STRN3: variants seen among roughly 807,000 people sequenced by gnomAD.
STRN3 encodes striatin-3.
STRN3 carries 29 observed loss-of-function variants against 95.6 expected under a neutral mutation model. The observed-to-expected ratio is 0.30, with a 90% CI of 0.23 to 0.41. The LOEUF (loss-of-function observed/expected upper bound fraction) is 0.41, where lower values mean the gene tolerates loss of function less well. Ranked by LOEUF, STRN3 falls within the 10% of genes least tolerant of loss-of-function variation. The probability of loss-of-function intolerance (pLI) is 1.00; values close to 1 mark genes in which losing one functional copy is unlikely to be tolerated. For synonymous variants in STRN3, 331 were observed against 357.6 expected (o/e 0.93, Z 0.84); for missense variants, 890 against 972.1 (o/e 0.92, Z 1.12).
intron 1 of STRN3, among the ~76,000 whole-genome samples, chr14:30,958,451 C>T (rs75082742): frequency 0.095 from 14,492 of 152,254 alleles, 747 homozygotes; most frequent in South Asian, 0.16. Context: ...AAGAGCAGCA[C>T]TTACTCTCTA....
intron 1 of STRN3, among the ~76,000 whole-genome samples, chr14:30,981,581 C>CACACACACAA (rs1881400752): frequency 1.3e-5 from 2 of 148,274 alleles, no homozygotes; most frequent in Admixed American, 1.3e-4. Context: ...AGAATTCACA[C>CACACACACAA]ACACACACAC....
intron 1 of STRN3, among the ~76,000 whole-genome samples, chr14:30,987,380 G>A (rs1594544717): frequency 1.3e-5 from 2 of 152,006 alleles, no homozygotes; most frequent in East Asian, 1.9e-4. Context: ...GGTGGCAGGC[G>A]CCTGTAGTCC....
chr14:30,964,332 C>A (rs1880368446), intron 1 of STRN3: 1 of 152,250 alleles, frequency 6.6e-6, no homozygotes, highest in East Asian at 1.9e-4. Flanking sequence ...TTGAGAGATT[C>A]TTCTAGCAAT....
intron 1 of STRN3, among the ~76,000 whole-genome samples, chr14:31,011,758 C>T (rs1410508192): frequency 6.6e-6 from 1 of 152,094 alleles, no homozygotes; most frequent in Non-Finnish European, 1.5e-5. Flanking sequence ...ATCTCAATCC[C>T]CAACCCTTTT....
chr14:30,932,439 C>G (rs1361460425), intron 7 of STRN3: 1 of 147,182 alleles, frequency 6.8e-6, no homozygotes, highest in African/African-American at 2.5e-5. Context: ...TTTGGAAATA[C>G]TGCATAAATC....
At chr14:30,942,438 G>C (rs1172443746) in intron 5 of STRN3, among the ~76,000 whole-genome samples, 1 of 152,016 alleles carries the variant, frequency 6.6e-6, no homozygotes, top group Non-Finnish European at 1.5e-5. Context: ...CAGATGAAAG[G>C]GAAAACAAAA....
intron 1 of STRN3, among the ~76,000 whole-genome samples, chr14:31,001,316 G>A (rs1305477738): frequency 6.6e-6 from 1 of 151,856 alleles, no homozygotes; most frequent in Non-Finnish European, 1.5e-5. Context: ...TGGGAGGACT[G>A]CTTGAAGCCA....
At chr14:30,993,805 G>A (rs1173931642) in intron 1 of STRN3, among the ~76,000 whole-genome samples, 1 of 151,442 alleles carries the variant, frequency 6.6e-6, no homozygotes, top group Non-Finnish European at 1.5e-5. Context: ...TTAGCCTCCT[G>A]AGTAGCTTGG....
rs369078041 is a variant in STRN3 at position 30,895,431 on chromosome 14, G to A, written c.2374C>T (p.Leu792Phe). The change falls in exon 18 of 18, where the codon CTT (leucine) becomes TTT (phenylalanine). Residue 792 changes from leucine to phenylalanine, a missense_variant. Physicochemically the swap from Leu to Phe is conservative, Grantham distance 22 (BLOSUM62 0). This residue lies in a region of STRN3 where 357 missense variants were observed against 422.8 expected (regional missense o/e 0.84). Transcript: ENST00000357479. ...AYIASAGADA[L>F]AKVFV is the part of the protein sequence containing the mutation. ...TTGATTCATACAAATACTTTGGCAA[G>A]AGCATCAGCTCCTGCACTAGCTATA... 2.5e-6 allele frequency: 4 copies of A among 1,604,456 alleles called. No homozygotes were observed. The highest frequency in any genetic ancestry group is 3.4e-6 in the Non-Finnish European group (4 of 1,174,632).
intron 1 of STRN3, among the ~76,000 whole-genome samples, chr14:30,979,451 C>A (rs1428913639): frequency 6.6e-6 from 1 of 152,094 alleles, no homozygotes; most frequent in Non-Finnish European, 1.5e-5. Flanking sequence ...AAGTGTACTT[C>A]AGGCAAAAAT....
intron 1 of STRN3, among the ~76,000 whole-genome samples, chr14:30,993,254 CAA>C (rs35552314): frequency 2.3e-5 from 3 of 129,628 alleles, no homozygotes; most frequent in Non-Finnish European, 3.2e-5. Context: ...GACACTGTCT[CAA>C]AAAAAAAAAA....
intron 1 of STRN3, among the ~76,000 whole-genome samples, chr14:30,967,444 T>C (rs6571374): frequency 0.14 from 22,038 of 152,246 alleles, 1,819 homozygotes; most frequent in South Asian, 0.33. Context: ...TTAAAACCTA[T>C]AGTTAATAAT....
chr14:30,921,069 T>TACACACAC (rs367677158), intron 8 of STRN3, among the ~76,000 whole-genome samples: 1,575 of 119,912 alleles, frequency 0.013, 11 homozygotes, highest in South Asian at 0.029. Flanking sequence ...TACACATACA[T>TACACACAC]ATACACACAC....
intron 5 of STRN3, among the ~76,000 whole-genome samples, chr14:30,939,599 G>C (rs1341899030): frequency 6.6e-6 from 1 of 152,070 alleles, no homozygotes; most frequent in Admixed American, 6.6e-5. Context: ...TTGCTAAAAT[G>C]AAGTTCTGCT....
At chr14:30,956,952 A>C (rs1879937999) in intron 1 of STRN3, among the ~76,000 whole-genome samples, 1 of 152,004 alleles carries the variant, frequency 6.6e-6, no homozygotes, top group Non-Finnish European at 1.5e-5. Flanking sequence ...TGAGGTCAGG[A>C]GTTCAAGACC....
chr14:30,970,819 G>A (rs1001917709), intron 1 of STRN3, among the ~76,000 whole-genome samples: 3 of 152,192 alleles, frequency 2.0e-5, no homozygotes, highest in African/African-American at 2.4e-5. Context: ...TATTCCACCC[G>A]CACATTAAAC....
rs558788900 is a variant in STRN3, at chr14:30,997,098, G to C, written c.282+28806C>G. ...TTTCAAACAGCAGGATGCCACAAAA[G>C]GCTAAGGAACAGGATCAGGACCTAA... On this transcript the variant is annotated intron_variant, in intron 1 of 17. Coordinates refer to ENST00000357479, the MANE Select transcript of STRN3 (RefSeq NM_001083893.2). Among the ~76,000 whole-genome samples the C allele has an allele frequency of 3.9e-5, 6 of 152,210 alleles. No individual in the cohort carries two copies. The South Asian group carries it at 1.2e-3, about 32-fold the overall frequency.
intron 1 of STRN3, among the ~76,000 whole-genome samples, chr14:31,017,010 C>T (rs897235428): frequency 6.6e-6 from 1 of 151,978 alleles, no homozygotes; most frequent in East Asian, 1.9e-4. Flanking sequence ...CAAAAATTAG[C>T]CAGGTGTGGT....
At chr14:30,992,452 G>A (rs1029362970) in intron 1 of STRN3, among the ~76,000 whole-genome samples, 43 of 150,422 alleles carry the variant, frequency 2.9e-4, no homozygotes, top group Non-Finnish European at 4.7e-4. Flanking sequence ...TAAGTGTCTT[G>A]CTGTTGCCCA....
Sources: gnomAD v4.1 joint callset for allele counts (sites outside exome capture counted in the v4.1 genomes callset) on GRCh38, gnomAD v4.1.1 for gene constraint, gnomAD v4.1.1 regional missense constraint, MANE v1.5 for transcripts, NCBI Gene and HGNC (gene_info 2026-07-23, HGNC 2026-07-21) for gene names.